Variants in ADAM2 observed in about 807,000 individuals in gnomAD.
ADAM2 encodes the protein ADAM metallopeptidase domain 2.
Under a neutral mutation model 99.3 loss-of-function variants are expected in ADAM2, and 101 were observed. The observed-to-expected ratio is 1.02, with a 90% CI of 0.87 to 1.20. ADAM2 has a LOEUF of 1.20. ADAM2 is among the 50% of genes most tolerant of loss of function. The pLI is 0.00. For missense variants in ADAM2, 948 were observed against 878.7 expected (o/e 1.08, Z -1.00); for synonymous variants, 323 against 287.6 (o/e 1.12, Z -1.25).
At chr8:39,781,228 G>A (rs76645847) in intron 10 of ADAM2, among the ~76,000 whole-genome samples, 1 of 152,066 alleles carries the variant, frequency 6.6e-6, no homozygotes, top group East Asian at 1.9e-4. Flanking sequence ...GTATACTTAT[G>A]TGAAAACACA....
chr8:39,812,746 C>G (rs948302433), intron 6 of ADAM2, among the ~76,000 whole-genome samples: 51 of 152,226 alleles, frequency 3.4e-4, no homozygotes, highest in African/African-American at 1.2e-3. Context: ...GGATCCCTTC[C>G]TTACCTTATA....
chr8:39,805,326 A>G (rs915634256), intron 7 of ADAM2, among the ~76,000 whole-genome samples: 1 of 152,228 alleles, frequency 6.6e-6, no homozygotes. Context: ...AAAGGTGACT[A>G]TGACAAGGAG....
chr8:39,801,552 G>A (rs1411460751), intron 7 of ADAM2, among the ~76,000 whole-genome samples: 1 of 152,154 alleles, frequency 6.6e-6, no homozygotes, highest in East Asian at 1.9e-4. Flanking sequence ...GGTGGAGAGG[G>A]TGTGTTTTAC....
chr8:39,783,955 A>G (rs1803343654), intron 10 of ADAM2, among the ~76,000 whole-genome samples: 2 of 151,942 alleles, frequency 1.3e-5, no homozygotes, highest in Admixed American at 1.3e-4. Context: ...GAAAAGAAAA[A>G]AAAAAAATTA....
At position 39,769,343 on chromosome 8, in the gene ADAM2, G is replaced by T. The variant is rs781515186; in HGVS notation, c.1212+49C>A. 3.5e-6 allele frequency: 5 copies of T among 1,430,804 alleles called. No individual in the cohort carries two copies. The Admixed American group carries it at 1.0e-4, about 29-fold the overall frequency. The allele number at this position is 1,430,804 out of a possible 1,614,324, so 88.6% of individuals were successfully genotyped here. ...GGCAGTTTCTCACTCGAATTAATAA[G>T]TAATTTTTGCTGCAATTTCAGTGCG... On this transcript the variant is annotated intron_variant, in intron 12 of 20. Transcript: ENST00000265708.
chr8:39,793,046 C>T (rs143702055), intron 7 of ADAM2, among the ~76,000 whole-genome samples: 26 of 152,112 alleles, frequency 1.7e-4, no homozygotes, highest in African/African-American at 5.8e-4. Flanking sequence ...ATCCTCCCTC[C>T]CTGCACCAGG....
intron 11 of ADAM2, among the ~76,000 whole-genome samples, chr8:39,774,404 C>T (rs1382391703): frequency 6.6e-6 from 1 of 151,936 alleles, no homozygotes; most frequent in Non-Finnish European, 1.5e-5. Flanking sequence ...GAATACAATT[C>T]TCATGAGACT....
At chr8:39,821,779 A>C in intron 4 of ADAM2, 117 bp from the exon 5 acceptor site, 1 of 695,532 alleles carries the variant, frequency 1.4e-6, no homozygotes. Flanking sequence ...ATGTTTCAAA[A>C]ATGGATTTAT....
At chr8:39,757,097 A>G (rs1329697620) in intron 15 of ADAM2, among the ~76,000 whole-genome samples, 3 of 152,206 alleles carry the variant, frequency 2.0e-5, no homozygotes, top group Admixed American at 6.5e-5. Flanking sequence ...TCTAATTTAC[A>G]GCAAAGGTCT....
At chr8:39,780,594 C>CTT (rs953333634) in intron 10 of ADAM2, among the ~76,000 whole-genome samples, 2 of 152,124 alleles carry the variant, frequency 1.3e-5, no homozygotes, top group Non-Finnish European at 2.9e-5. Context: ...TGAAAGAACA[C>CTT]TTAATAATTT....
At chr8:39,810,483 T>G (rs1343185826) in intron 6 of ADAM2, among the ~76,000 whole-genome samples, 1 of 152,208 alleles carries the variant, frequency 6.6e-6, no homozygotes, top group Non-Finnish European at 1.5e-5. Context: ...GAATATACAT[T>G]CTTCTCAGCA....
chr8:39,746,790 T>C (rs1005456850), intron 18 of ADAM2, among the ~76,000 whole-genome samples, 159 bp from the exon 19 acceptor site: 6 of 152,230 alleles, frequency 3.9e-5, no homozygotes, highest in Non-Finnish European at 8.8e-5. Context: ...AAAATATAAA[T>C]GCCCAAAGTG....
intron 7 of ADAM2, among the ~76,000 whole-genome samples, chr8:39,797,142 G>A (rs189255192): frequency 7.9e-5 from 12 of 152,262 alleles, no homozygotes; most frequent in Non-Finnish European, 1.6e-4. Context: ...TTCCTGAATG[G>A]TATTGCCTAG....
Position 39,746,376 on chromosome 8 carries a change from T to G in ADAM2, c.2174+96A>C, listed in dbSNP as rs569195462. 6.3e-5 allele frequency: 53 copies of G among 842,718 alleles called. 1 individual carries two copies. In the South Asian group the frequency reaches 1.1e-3, roughly 17 times the overall value. The allele number at this position is 842,718 out of a possible 1,614,324, so 52.2% of individuals were successfully genotyped here. ...TAAATTCCCATATAAAGACAATAAT[T>G]GAATTTGAATTATTACTCATTACAT... is the stretch of plus-strand genomic sequence containing the variant. On this transcript the variant is annotated intron_variant, in intron 19 of 20. Coordinates refer to ENST00000265708, the MANE Select transcript of ADAM2 (RefSeq NM_001464.5).
intron 9 of ADAM2, 27 bp downstream of exon 9, chr8:39,788,058 C>A: frequency 1.4e-6 from 2 of 1,386,498 alleles, no homozygotes; most frequent in Non-Finnish European, 1.9e-6. Context: ...TTCAGATAAA[C>A]TTTATATAAT....
intron 7 of ADAM2, among the ~76,000 whole-genome samples, chr8:39,800,353 C>A (rs978591609): frequency 1.3e-5 from 2 of 152,110 alleles, no homozygotes; most frequent in Non-Finnish European, 2.9e-5. Flanking sequence ...AATATTGGCT[C>A]CCAATTTCTT....
At chr8:39,754,832 T>C (rs1802084737) in intron 16 of ADAM2, among the ~76,000 whole-genome samples, 1 of 152,146 alleles carries the variant, frequency 6.6e-6, no homozygotes, top group East Asian at 1.9e-4. Context: ...ATATTTCATA[T>C]AATAAAAAAA....
In ADAM2 at chr8:39,825,036, T is replaced by G. The variant is rs1805344398; in HGVS notation, c.189-139A>C. On this transcript the variant is annotated intron_variant, in intron 3 of 20. Coordinates refer to ENST00000265708, the MANE Select transcript of ADAM2 (RefSeq NM_001464.5). ...GGATATTTTCTAAATATATGGATTT[T>G]GTTCTAAATTTTACTCAAACATCTT... 1.3e-5 allele frequency: 8 copies of G among 599,528 alleles called. No homozygotes were observed. In the South Asian group the frequency reaches 1.7e-4, roughly 13 times the overall value. 37.1% of individuals were successfully genotyped at this position (599,528 alleles called of 1,614,324 possible).
At chr8:39,765,479 T>C (rs1802536423) in intron 14 of ADAM2, among the ~76,000 whole-genome samples, 1 of 152,156 alleles carries the variant, frequency 6.6e-6, no homozygotes, top group African/African-American at 2.4e-5. Flanking sequence ...ACAAATTTGA[T>C]AACAGAAAAA....
Sources: allele counts gnomAD v4.1 joint callset (sites outside exome capture counted in the v4.1 genomes callset), GRCh38; gene constraint gnomAD v4.1.1; transcripts MANE v1.5; gene names NCBI Gene and HGNC (gene_info 2026-07-23, HGNC 2026-07-21).